The following BRCA2 variants were observed in gnomAD, a reference collection of about 807,000 sequenced individuals.
BRCA2 encodes breast cancer type 2 susceptibility protein.
A neutral mutation model predicts 276.7 loss-of-function variants in BRCA2; 203 were observed. The observed-to-expected ratio is 0.73, with a 90% CI of 0.65 to 0.82. The LOEUF is 0.82. Among genes scored for constraint, BRCA2 ranks in the 40% least tolerant of loss-of-function variants. The probability of loss-of-function intolerance (pLI) is 0.00; values close to 1 mark genes in which losing one functional copy is unlikely to be tolerated. For synonymous variants in BRCA2, 1,289 were observed against 1,338.4 expected (o/e 0.96, Z 0.81); for missense variants, 3,920 against 3,915.0 (o/e 1.00, Z -0.03).
chr13:32,344,732 T>TGAG, intron 12 of BRCA2, 79 bp downstream of exon 12: 1 of 1,027,958 alleles, frequency 9.7e-7, no homozygotes, highest in Non-Finnish European at 1.5e-6. Flanking sequence ...GTGATCCACC[T>TGAG]GCCTCTCAAA....
At chr13:32,366,288 T>A (rs1345843764) in intron 18 of BRCA2, among the ~76,000 whole-genome samples, 1 of 152,170 alleles carries the variant, frequency 6.6e-6, no homozygotes, top group Non-Finnish European at 1.5e-5. Context: ...TTGTTAGTAA[T>A]CATATTGCTG....
chr13:32,340,818 C>G lies in BRCA2; in HGVS notation c.6463C>G (p.Leu2155Val), dbSNP rs775035051. ...TCACTCTATTAAAGTTTCTCCATATCTCTCTCAATTTCAACAAGACAAACA... is the reference window on the plus strand; with the variant it reads ...TCACTCTATTAAAGTTTCTCCATATGTCTCTCAATTTCAACAAGACAAACA... ...NNHSIKVSPY[L>V]SQFQQDKQQL... The change falls in exon 11 of 27, where the codon CTC becomes GTC. Residue 2155 changes from leucine to valine, a missense_variant. Physicochemically the swap from Leu to Val is conservative, Grantham distance 32. Around this residue, in one of 2 missense-constraint regions of BRCA2, gnomAD observed 3,263 missense variants for 3,156.9 expected, o/e 1.03. Transcript: ENST00000380152. 8.2e-6 allele frequency: 13 copies of G among 1,589,534 alleles called. No individual in the cohort carries two copies. Among genetic ancestry groups the G allele is most frequent in the Non-Finnish European group, 1.1e-5 (13 of 1,171,754 alleles).
Position 32,388,731 on chromosome 13 carries a change from A to T in BRCA2, c.9257-5958A>T, listed in dbSNP as rs1300922486. ...CGTGAAGGAAAGCCAATTAAGTCAA[A>T]TTGATTAATGTTTGCAGAGTATATC... On this transcript the variant is annotated intron_variant, in intron 24 of 26. Transcript: ENST00000380152. 4.0e-5 allele frequency among the ~76,000 whole-genome samples: 6 copies of T among 151,786 alleles called. No homozygotes were observed. The East Asian group carries it at 1.2e-3, about 29-fold the overall frequency.
chr13:32,361,622 T>C (rs1197431877), intron 16 of BRCA2, among the ~76,000 whole-genome samples: 1 of 152,192 alleles, frequency 6.6e-6, no homozygotes. Flanking sequence ...TTCCTGATCG[T>C]TGGCCTTGTA....
rs11571805 is a variant in BRCA2, at chr13:32,389,810, A to G, written c.9257-4879A>G. ...CTGTAACATCCTGGAACCTTTCCTT[A>G]TGTCAGTCAGTCCTGGTCACCTGTT... On this transcript the variant is annotated intron_variant, in intron 24 of 26. Transcript: ENST00000380152. 0.051 allele frequency among the ~76,000 whole-genome samples: 7,793 copies of G among 152,206 alleles called. 301 individuals carry two copies. The highest frequency in any genetic ancestry group is 0.08 in the Non-Finnish European group (5,428 of 68,002).
At chr13:32,360,372 T>C (rs1008564019) in intron 16 of BRCA2, among the ~76,000 whole-genome samples, 1 of 152,058 alleles carries the variant, frequency 6.6e-6, no homozygotes. Flanking sequence ...ATGATCTGAC[T>C]TTTTTTTGAG....
At chr13:32,332,164 A>G in intron 9 of BRCA2, 108 bp from the exon 10 acceptor site, 1 of 1,114,780 alleles carries the variant, frequency 9.0e-7, no homozygotes, top group Non-Finnish European at 1.2e-6. Flanking sequence ...CTGATATGTA[A>G]TATTTAGCAC....
At chr13:32,344,246 A>C (rs2072593957) in intron 11 of BRCA2, among the ~76,000 whole-genome samples, 1 of 150,926 alleles carries the variant, frequency 6.6e-6, no homozygotes. Flanking sequence ...CTAGAGTTAT[A>C]TTTAGTGTCA....
chr13:32,393,164 C>G (rs142072746), intron 24 of BRCA2, among the ~76,000 whole-genome samples: 3 of 152,262 alleles, frequency 2.0e-5, no homozygotes, highest in African/African-American at 7.2e-5. Context: ...CTCCTCTGTA[C>G]AATAACTTCC....
intron 24 of BRCA2, among the ~76,000 whole-genome samples, chr13:32,382,773 T>C (rs943636002): frequency 6.6e-6 from 1 of 152,192 alleles, no homozygotes; most frequent in Admixed American, 6.5e-5. Flanking sequence ...AGATACTGTA[T>C]GCTGATGAGA....
In BRCA2 at chr13:32,376,722, T is replaced by C. The variant is rs1320324674; in HGVS notation, c.8685T>C (p.Val2895=). ...CACGTGCACTAACAAGACAGCAAGT[T>C]CGTGCTTTGCAAGATGGTGCAGAGC... is the stretch of plus-strand genomic sequence containing the variant. ...LPSRALTRQQ[V]RALQDGAELY... is the part of the protein sequence containing the mutation. The change falls in exon 21 of 27, where the codon GTT becomes GTC. Residue 2895 remains valine, a synonymous_variant. Coordinates refer to ENST00000380152, the MANE Select transcript of BRCA2 (RefSeq NM_000059.4). The C allele has an allele frequency of 1.2e-6, 2 of 1,614,154 alleles. No individual in the cohort carries two copies. Among genetic ancestry groups the C allele is most frequent in the South Asian group, 1.1e-5 (1 of 91,084 alleles).
At chr13:32,334,832 C>T (rs1056939667) in intron 10 of BRCA2, among the ~76,000 whole-genome samples, 1 of 152,056 alleles carries the variant, frequency 6.6e-6, no homozygotes, top group South Asian at 2.1e-4. Context: ...TCTGCATCTC[C>T]GTGGTGTAAC....
At position 32,339,909 on chromosome 13, in the gene BRCA2, G is replaced by A. The variant is rs80358777; in HGVS notation, c.5554G>A (p.Val1852Ile). ...PAFRIASGKI[V>I]CVSHETIKKV... ...ATTTAGGATAGCCAGTGGTAAAATCGTTTGTGTTTCACATGAAACAATTAA... is the reference window on the plus strand; with the variant it reads ...ATTTAGGATAGCCAGTGGTAAAATCATTTGTGTTTCACATGAAACAATTAA... Residue 1852 changes from valine to isoleucine, a missense_variant, in exon 11 of 27, where the codon GTT (valine) becomes ATT (isoleucine). Coordinates refer to ENST00000380152, the MANE Select transcript of BRCA2 (RefSeq NM_000059.4). The A allele has an allele frequency of 2.2e-5, 36 of 1,608,446 alleles. No homozygotes were observed. The East Asian group carries it at 3.6e-4, about 16-fold the overall frequency.
At chr13:32,317,445 G>C (rs983834901) in intron 2 of BRCA2, among the ~76,000 whole-genome samples, 2 of 151,950 alleles carry the variant, frequency 1.3e-5, no homozygotes, top group African/African-American at 4.8e-5. Flanking sequence ...TTAACCTCAC[G>C]TTGAAAAAAG....
chr13:32,316,632 A>G, intron 2 of BRCA2, 105 bp downstream of exon 2: 1 of 968,632 alleles, frequency 1.0e-6, no homozygotes, highest in East Asian at 2.6e-5. Context: ...AGAACCATAA[A>G]CTGTTCCTTA....
intron 18 of BRCA2, among the ~76,000 whole-genome samples, chr13:32,368,694 C>G (rs528234972): frequency 1.3e-5 from 2 of 152,016 alleles, no homozygotes; most frequent in East Asian, 3.9e-4. Flanking sequence ...ATATCAGTGA[C>G]TGTTCTGAGA....
rs81002797 is a variant in BRCA2 at position 32,326,151 on chromosome 13, G to T, written c.475+1G>T. 1 of 1,608,942 alleles carries T rather than the reference G, an allele frequency of 6.2e-7. No individual in the cohort carries two copies. Among genetic ancestry groups the T allele is most frequent in the Non-Finnish European group, 8.5e-7 (1 of 1,176,284 alleles). ...GTAACACCACAAAGAGATAAGTCAGGTATGATTAAAAACAATGCTTTTTAT... is the reference window on the plus strand; with the variant it reads ...GTAACACCACAAAGAGATAAGTCAGTTATGATTAAAAACAATGCTTTTTAT... On this transcript the variant is annotated splice_donor_variant, in intron 5 of 26. Coordinates refer to ENST00000380152, the MANE Select transcript of BRCA2 (RefSeq NM_000059.4). LOFTEE classifies it high-confidence loss of function.
chr13:32,351,676 A>T (rs1258662532), intron 13 of BRCA2, among the ~76,000 whole-genome samples: 1 of 152,208 alleles, frequency 6.6e-6, no homozygotes, highest in Non-Finnish European at 1.5e-5. Context: ...TCACTTAGAC[A>T]TATAAATATG....
chr13:32,385,314 TA>T (rs577866061), intron 24 of BRCA2: 162 of 213,292 alleles, frequency 7.6e-4, no homozygotes, highest in African/African-American at 3.6e-3. Context: ...ATGATAGATA[TA>T]GTAAGGTTCT....
Sources: gnomAD v4.1 joint callset for allele counts (sites outside exome capture counted in the v4.1 genomes callset) on GRCh38, gnomAD v4.1.1 for gene constraint, gnomAD v4.1.1 regional missense constraint, MANE v1.5 for transcripts, NCBI Gene and HGNC (gene_info 2026-07-23, HGNC 2026-07-21) for gene names.